Variants in LILRB5 observed in about 807,000 individuals in gnomAD.
The protein encoded by LILRB5 is leukocyte immunoglobulin-like receptor subfamily B member 5.
A neutral mutation model predicts 68.4 loss-of-function variants in LILRB5; 61 were observed. That is an observed-to-expected ratio of 0.89 (90% CI 0.73 to 1.10). The LOEUF (loss-of-function observed/expected upper bound fraction) is 1.10. Ranked by LOEUF, LILRB5 falls within the 50% of genes least tolerant of loss-of-function variation. LILRB5 has a pLI of 0.00. For missense variants in LILRB5, 771 were observed against 751.6 expected (o/e 1.03, Z -0.30); for synonymous variants, 356 against 315.8 (o/e 1.13, Z -1.35).
chr19:54,255,936 A>C lies in LILRB5; in HGVS notation c.655+107T>G, dbSNP rs532840458. The C allele has an allele frequency of 5.8e-5, 56 of 957,722 alleles. No homozygotes were observed. The South Asian group carries it at 9.5e-4, about 16-fold the overall frequency. The allele number at this position is 957,722 out of a possible 1,614,324, so 59.3% of individuals were successfully genotyped here. A position where few individuals can be genotyped will look rare whatever the true frequency, so the allele number is the denominator to read the frequency against. The stretch of plus-strand genomic sequence containing the variant: ...TCTTCCTCACGCCTTCAGCCCATCC[A>C]TCAACACATCCTTCTGGGGTCCTTG... On this transcript the variant is annotated intron_variant, in intron 4 of 12. Coordinates refer to ENST00000449561, the MANE Select transcript of LILRB5 (RefSeq NM_001081442.3).
chr19:54,251,825 G>C, intron 12 of LILRB5: 1 of 717,618 alleles, frequency 1.4e-6, no homozygotes, highest in Admixed American at 2.0e-5. Context: ...CTAACAACCA[G>C]ACGGCCAAAC....
Position 54,256,158 on chromosome 19 carries a change from G to A in LILRB5, c.540C>T (p.Phe180=), listed in dbSNP as rs1332838508. The change falls in exon 4 of 13, where the codon TTC becomes TTT. Residue 180 remains phenylalanine, a synonymous_variant. Transcript: ENST00000449561. ...KLPKGPSQAL[F]PVGPVTPSCR... is the part of the protein sequence containing the mutation. ...AGCTGGGGGTCACGGGACCCACAGG[G>A]AACAGGGCCTGGGATGGCCCTTTGG... The A allele has an allele frequency of 1.9e-6, 3 of 1,613,264 alleles. No individual in the cohort carries two copies. Among genetic ancestry groups the A allele is most frequent in the South Asian group, 1.1e-5 (1 of 91,020 alleles).
rs3889745 is a variant in LILRB5, at chr19:54,252,277, C to G, written c.1576+89G>C. 6,130 of 1,499,694 alleles carry G rather than the reference C, an allele frequency of 4.1e-3. 72 individuals carry two copies. Among genetic ancestry groups the G allele is most frequent in the Middle Eastern group, 0.017 (90 of 5,206 alleles). 92.9% of individuals were successfully genotyped at this position (1,499,694 alleles called of 1,614,324 possible). Reference sequence around the variant, plus strand: ...ACCGCCTCCCCCTTGGCCCCAGACCCCCCCCAGCCTGTGCTCCTGCCCCCA... The same window carrying G: ...ACCGCCTCCCCCTTGGCCCCAGACCGCCCCCAGCCTGTGCTCCTGCCCCCA... On this transcript the variant is annotated intron_variant, in intron 11 of 12. Transcript: ENST00000449561.
rs367690586 is a variant in LILRB5 at position 54,252,537 on chromosome 19, C to T, written c.1487G>A (p.Arg496His). The T allele has an allele frequency of 1.1e-4, 177 of 1,613,798 alleles. No individual in the cohort carries two copies. Among genetic ancestry groups the T allele is most frequent in the Non-Finnish European group, 1.3e-4 (157 of 1,179,986 alleles). The stretch of plus-strand genomic sequence containing the variant: ...CTCTGGCCCCGCAGCCCCTGCAGGA[C>T]GGTAGAAATGGGCTGGACAGAGATG... ...SKHRTSAHFYRPAGAAGPEPK... is the reference protein window; with the variant it reads ...SKHRTSAHFYHPAGAAGPEPK... Residue 496 changes from arginine to histidine, a missense_variant, in exon 10 of 13, where the codon CGT becomes CAT. Arg to His is a conservative substitution (Grantham distance 29, BLOSUM62 0). Coordinates refer to ENST00000449561, the MANE Select transcript of LILRB5 (RefSeq NM_001081442.3).
chr19:54,252,341 G>C (rs764400845), intron 11 of LILRB5, 25 bp downstream of exon 11: 27 of 1,613,008 alleles, frequency 1.7e-5, no homozygotes, highest in Non-Finnish European at 2.3e-5. Flanking sequence ...CCCACCCCAG[G>C]TGCCCTCCGC....
chr19:54,254,626 C>G, intron 6 of LILRB5, 109 bp downstream of exon 6: 1 of 1,433,882 alleles, frequency 7.0e-7, no homozygotes, highest in Non-Finnish European at 9.7e-7. Flanking sequence ...CTGAGCCCCC[C>G]TCAAACCCTC....
Position 54,256,358 on chromosome 19 carries a change from G to A in LILRB5, c.356-16C>T. The stretch of plus-strand genomic sequence containing the variant: ...GCATAGAATCCTAGCAGAGAAGGAG[G>A]CACGTCTTAAGTGGGGCTCCGACCT... On this transcript the variant is annotated splice_polypyrimidine_tract_variant and intron_variant, in intron 3 of 12. Coordinates refer to ENST00000449561, the MANE Select transcript of LILRB5 (RefSeq NM_001081442.3). 6.3e-7 allele frequency: 1 copy of A among 1,594,200 alleles called. No homozygotes were observed.
At position 54,254,780 on chromosome 19, in the gene LILRB5, A is replaced by G. The variant is rs1318692690; in HGVS notation, c.1210T>C (p.Tyr404His). 3.1e-6 allele frequency: 5 copies of G among 1,614,134 alleles called. No homozygotes were observed. Among genetic ancestry groups the G allele is most frequent in the Non-Finnish European group, 4.2e-6 (5 of 1,179,986 alleles). Reference protein sequence around the residue: ...RCYSAIRSYPYLLSSPSYPQE... With the variant: ...RCYSAIRSYPHLLSSPSYPQE... ...GGGTAACTAGGGCTGGACAGCAGGT[A>G]GGGGTAGGACCTGATTGCGCTGTAG... Residue 404 changes from tyrosine to histidine, a missense_variant, in exon 6 of 13, where the codon TAC becomes CAC. Tyr to His is a moderately conservative substitution (Grantham distance 83). Coordinates refer to ENST00000449561, the MANE Select transcript of LILRB5 (RefSeq NM_001081442.3).
chr19:54,250,642 C>T lies in LILRB5; in HGVS notation c.*144G>A. 9.9e-7 allele frequency: 1 copy of T among 1,011,782 alleles called. No homozygotes were observed. The highest frequency in any genetic ancestry group is 1.4e-6 in the Non-Finnish European group (1 of 691,202). The allele number at this position is 1,011,782 out of a possible 1,614,324, so 62.7% of individuals were successfully genotyped here. A position where few individuals can be genotyped will look rare whatever the true frequency, so the allele number is the denominator to read the frequency against. ...CTTTGACTGCAGAATCTAGTGAGTC[C>T]CAGAGTTCCCAGGATGTCCTGGTGG... is the stretch of plus-strand genomic sequence containing the variant. On this transcript the variant is annotated 3_prime_UTR_variant, in exon 13 of 13. Transcript: ENST00000449561.
At chr19:54,251,118 G>A (rs1479685179) in intron 12 of LILRB5, 186 bp from the exon 13 acceptor site, 1 of 1,551,646 alleles carries the variant, frequency 6.4e-7, no homozygotes, top group Non-Finnish European at 8.9e-7. Flanking sequence ...GGTCTGGAGT[G>A]TTTCACCGGG....
At chr19:54,252,740 G>A (rs1407439403) in intron 9 of LILRB5, 131 bp downstream of exon 9, 18 of 1,047,414 alleles carry the variant, frequency 1.7e-5, no homozygotes, top group South Asian at 7.6e-5. Flanking sequence ...CTTCTTTCTC[G>A]ATCGATTTTT....
chr19:54,252,078 C>T lies in LILRB5; in HGVS notation c.1605G>A (p.Lys535=), dbSNP rs758957424. The change falls in exon 12 of 13, where the codon AAG becomes AAA. Residue 535 remains lysine, a synonymous_variant. Coordinates refer to ENST00000449561, the MANE Select transcript of LILRB5 (RefSeq NM_001081442.3). The stretch of plus-strand genomic sequence containing the variant: ...CCGGAGCATCCATCTCCACCCCGTC[C>T]TTGGGCTGTGTGTCCTTCACGGCAG... ...LNAAVKDTQP[K]DGVEMDAPAA... is the part of the protein sequence containing the mutation. 2 of 1,614,088 alleles carry T rather than the reference C, an allele frequency of 1.2e-6. No homozygotes were observed. Among genetic ancestry groups the T allele is most frequent in the African/African-American group, 1.3e-5 (1 of 75,048 alleles).
intron 12 of LILRB5, chr19:54,251,247 G>T (rs1450182445): frequency 9.3e-7 from 1 of 1,080,260 alleles, no homozygotes; most frequent in Admixed American, 2.2e-5. Flanking sequence ...TGTTCCCGGG[G>T]TGATCCGATT....
rs1222328038 is a variant in LILRB5 at position 54,256,031 on chromosome 19, T to TG, written c.655+11dup. 6 of 1,525,986 alleles carry TG rather than the reference T, an allele frequency of 3.9e-6. No homozygotes were observed. The highest frequency in any genetic ancestry group is 5.3e-6 in the Non-Finnish European group (6 of 1,140,204). 94.5% of individuals were successfully genotyped at this position (1,525,986 alleles called of 1,614,324 possible). A position where few individuals can be genotyped will look rare whatever the true frequency, so the allele number is the denominator to read the frequency against. On this transcript the variant is annotated intron_variant, in intron 4 of 12. Transcript: ENST00000449561. ...CCCAAAATTATATAAAGAAGTGTGG[T>TG]GGCTTTTTCACCTGGGACCAGAATC...
Position 54,257,236 on chromosome 19 carries a change from C to T in LILRB5, c.-43G>A, listed in dbSNP as rs200035909. ...GACTCAGCTGTGCAGGCGGATGAGA[C>T]CACGGTGCCTGGCAGGACACAAAAA... On this transcript the variant is annotated 5_prime_UTR_variant, in exon 1 of 13. Transcript: ENST00000449561. The T allele has an allele frequency of 5.6e-6, 9 of 1,613,728 alleles. No homozygotes were observed. The highest frequency in any genetic ancestry group is 5.9e-6 in the Non-Finnish European group (7 of 1,179,798).
At position 54,256,219 on chromosome 19, in the gene LILRB5, T is replaced by C. The variant is rs2079137049; in HGVS notation, c.479A>G (p.Gln160Arg). ...TGAGTACAGGGTCCTGGGGAGCTTCTGTTCTTCCTCAACAAGAACAAACGT... is the reference window on the plus strand; with the variant it reads ...TGAGTACAGGGTCCTGGGGAGCTTCCGTTCTTCCTCAACAAGAACAAACGT... ...LLTFVLVEEE[Q>R]KLPRTLYSQK... Residue 160 changes from glutamine (Q) to arginine (R), a missense_variant, in exon 4 of 13, where the codon CAG becomes CGG. Coordinates refer to ENST00000449561, the MANE Select transcript of LILRB5 (RefSeq NM_001081442.3). 7 of 1,613,974 alleles carry C rather than the reference T, an allele frequency of 4.3e-6. No individual in the cohort carries two copies. Among genetic ancestry groups the C allele is most frequent in the Non-Finnish European group, 5.9e-6 (7 of 1,180,026 alleles).
chr19:54,250,726 G>A lies in LILRB5; in HGVS notation c.*60C>T, dbSNP rs2078913589. ...TTGGTGTCCACTGGGGGCAGCTCCT[G>A]TGCCTTCTGGAGTCTCTGAGTCTCC... On this transcript the variant is annotated 3_prime_UTR_variant, in exon 13 of 13. Transcript: ENST00000449561. 6.2e-7 allele frequency: 1 copy of A among 1,607,384 alleles called. No homozygotes were observed. The highest frequency in any genetic ancestry group is 1.1e-5 in the South Asian group (1 of 90,646).
chr19:54,255,492 C>A lies in LILRB5; in HGVS notation c.746G>T (p.Gly249Val). Reference sequence around the variant, plus strand: ...CTTGTACAGAACGAATATGTCATAGCCGACATCAGAGCGACACTGCAGGGT... The same window carrying A: ...CTTGTACAGAACGAATATGTCATAGACGACATCAGAGCGACACTGCAGGGT... The part of the protein sequence containing the change: ...SLTLQCRSDV[G>V]YDIFVLYKEG... The change falls in exon 5 of 13, where the codon GGC (glycine) becomes GTC (valine). Residue 249 changes from glycine to valine, a missense_variant. Transcript: ENST00000449561. The A allele has an allele frequency of 6.2e-7, 1 of 1,614,060 alleles. No individual in the cohort carries two copies. The highest frequency in any genetic ancestry group is 2.2e-5 in the East Asian group (1 of 44,864).
intron 12 of LILRB5, chr19:54,251,238 G>T: frequency 8.8e-7 from 1 of 1,132,450 alleles, no homozygotes; most frequent in Non-Finnish European, 1.3e-6. Flanking sequence ...TTTCCTCACT[G>T]TTCCCGGGGT....
Sources: gnomAD v4.1 joint callset for allele counts on GRCh38, gnomAD v4.1.1 for gene constraint, MANE v1.5 for transcripts, NCBI Gene and HGNC (gene_info 2026-07-23, HGNC 2026-07-21) for gene names.